Variants in IQGAP2 observed in about 807,000 individuals in gnomAD.
IQGAP2 encodes ras GTPase-activating-like protein IQGAP2.
Under a neutral mutation model 201.3 loss-of-function variants are expected in IQGAP2, and 173 were observed. That is an observed-to-expected ratio of 0.86 (90% CI 0.76 to 0.98). The LOEUF is 0.98. Among genes scored for constraint, IQGAP2 ranks in the 50% least tolerant of loss-of-function variants. The pLI is 0.00. For synonymous variants in IQGAP2, 675 were observed against 673.9 expected (o/e 1.00, Z -0.03); for missense variants, 1,687 against 1,864.8 (o/e 0.90, Z 1.76).
chr5:76,499,646 T>C (rs928984296), intron 2 of IQGAP2, among the ~76,000 whole-genome samples: 2 of 152,168 alleles, frequency 1.3e-5, no homozygotes, highest in South Asian at 4.1e-4. Context: ...GGTAAGATAG[T>C]AGTGTCAAGC....
intron 2 of IQGAP2, among the ~76,000 whole-genome samples, chr5:76,540,925 A>T (rs941404435): frequency 5.9e-5 from 9 of 152,218 alleles, no homozygotes; most frequent in Non-Finnish European, 8.8e-5. Flanking sequence ...TTATTCCTGT[A>T]TTGATTGCAG....
rs183369055 is a variant in IQGAP2, at chr5:76,417,093, G to A, written c.46+13502G>A. Among the ~76,000 whole-genome samples, 572 of 152,220 alleles carry A rather than the reference G, an allele frequency of 3.8e-3. 2 individuals are homozygous for A. The highest frequency in any genetic ancestry group is 0.013 in the African/African-American group (552 of 41,540). On this transcript the variant is annotated intron_variant, in intron 1 of 35. Transcript: ENST00000274364. ...TGAAAAGTGGGTTTATGTTTACCCT[G>A]TCTCAAAAGAGGGTGAGGTATGGGA...
Position 76,707,508 on chromosome 5 carries a change from AT to A in IQGAP2, c.*196del. 1 of 556,650 alleles carries A rather than the reference AT, an allele frequency of 1.8e-6. No individual in the cohort carries two copies. Among genetic ancestry groups the A allele is most frequent in the Non-Finnish European group, 3.2e-6 (1 of 314,996 alleles). 34.5% of individuals were successfully genotyped at this position (556,650 alleles called of 1,614,324 possible). A position where few individuals can be genotyped will look rare whatever the true frequency, so the allele number is the denominator to read the frequency against. Reference sequence around the variant, plus strand: ...ATACTATAATAGAATGAGACATAAAATGAATTAATGGAAACATATCCACACT... The same window carrying A: ...ATACTATAATAGAATGAGACATAAAAGAATTAATGGAAACATATCCACACT... On this transcript the variant is annotated 3_prime_UTR_variant, in exon 36 of 36. Coordinates refer to ENST00000274364, the MANE Select transcript of IQGAP2 (RefSeq NM_006633.5).
chr5:76,632,423 G>A (rs1006123796), intron 15 of IQGAP2, among the ~76,000 whole-genome samples: 1 of 152,134 alleles, frequency 6.6e-6, no homozygotes, highest in Non-Finnish European at 1.5e-5. Context: ...ATGAAATAAA[G>A]TACAATGAGC....
chr5:76,626,861 C>A (rs1403774460), intron 13 of IQGAP2, among the ~76,000 whole-genome samples: 3 of 152,100 alleles, frequency 2.0e-5, no homozygotes, highest in African/African-American at 7.2e-5. Context: ...AGCCAACAGC[C>A]ACACAGTGAG....
chr5:76,606,556 G>T (rs946107185), intron 12 of IQGAP2: 2 of 235,938 alleles, frequency 8.5e-6, no homozygotes, highest in African/African-American at 2.2e-5. Context: ...GATTTTTCTG[G>T]TTATTTGTAC....
intron 20 of IQGAP2, among the ~76,000 whole-genome samples, chr5:76,656,516 AT>A (rs1013855489): frequency 6.6e-6 from 1 of 150,622 alleles, no homozygotes; most frequent in Non-Finnish European, 1.5e-5. Context: ...GCTAAAGAGG[AT>A]TTTTTTTTCT....
chr5:76,471,148 T>C (rs1010452945), intron 2 of IQGAP2, among the ~76,000 whole-genome samples: 2 of 152,158 alleles, frequency 1.3e-5, no homozygotes, highest in Admixed American at 6.5e-5. Context: ...ACCGGAGCTA[T>C]TGTGAAGGTC....
At chr5:76,423,934 G>A (rs1383551602) in intron 1 of IQGAP2, among the ~76,000 whole-genome samples, 6 of 152,222 alleles carry the variant, frequency 3.9e-5, no homozygotes. Context: ...TTTCTACCAC[G>A]TTTACATTGT....
intron 2 of IQGAP2, among the ~76,000 whole-genome samples, chr5:76,535,324 TA>T (rs916741874): frequency 2.2e-4 from 32 of 148,704 alleles, no homozygotes; most frequent in Admixed American, 1.1e-3. Flanking sequence ...TTTGAAAGTA[TA>T]AAAAAAAAAT....
intron 2 of IQGAP2, among the ~76,000 whole-genome samples, chr5:76,533,603 C>T (rs572927371): frequency 6.6e-4 from 101 of 152,150 alleles, no homozygotes; most frequent in Non-Finnish European, 4.4e-4. Flanking sequence ...TGCAGTGGCA[C>T]GATCTTGGCT....
chr5:76,420,788 T>G (rs1271764752), intron 1 of IQGAP2, among the ~76,000 whole-genome samples: 1 of 152,242 alleles, frequency 6.6e-6, no homozygotes, highest in Non-Finnish European at 1.5e-5. Context: ...TTTCTATGAA[T>G]TTGACTGCTC....
Position 76,403,568 on chromosome 5 carries a change from C to A in IQGAP2, c.23C>A (p.Ser8Ter). The A allele has an allele frequency of 1.3e-6, 2 of 1,541,314 alleles. No homozygotes were observed. Among genetic ancestry groups the A allele is most frequent in the Non-Finnish European group, 1.7e-6 (2 of 1,149,544 alleles). MPHEELP[S>*]LQRPRYGSIV... is the part of the protein sequence containing the mutation. ...AGGATGCCACACGAAGAGCTGCCGT[C>A]GCTGCAGAGACCCCGCTATGGCTGT... Residue 8 changes from serine to a stop codon, truncating the protein, a stop_gained, in exon 1 of 36, where the codon TCG (serine) becomes TAG (stop). Transcript: ENST00000274364. LOFTEE classifies it high-confidence loss of function. The surrounding 1 kb of genome is among the most constrained non-coding windows in gnomAD (Gnocchi z 4.8).
rs1345469997 is a variant in IQGAP2 at position 76,677,298 on chromosome 5, T to C, written c.3608T>C (p.Val1203Ala). ...NMDKYTDLVT[V>A]SKPVIYISIE... ...GACAAATACACAGACCTGGTGACAG[T>C]CAGCAAACCAGTCATTTATATTTCA... The change falls in exon 28 of 36, where the codon GTC becomes GCC. Residue 1203 changes from valine (V) to alanine (A), a missense_variant. By Grantham distance (64) the Val-to-Ala change is moderately conservative. Coordinates refer to ENST00000274364, the MANE Select transcript of IQGAP2 (RefSeq NM_006633.5). 6.2e-7 allele frequency: 1 copy of C among 1,613,626 alleles called. No individual in the cohort carries two copies. Among genetic ancestry groups the C allele is most frequent in the African/African-American group, 1.3e-5 (1 of 74,888 alleles).
chr5:76,535,488 G>A (rs1201981487), intron 2 of IQGAP2, among the ~76,000 whole-genome samples: 2 of 152,128 alleles, frequency 1.3e-5, no homozygotes, highest in African/African-American at 4.8e-5. Context: ...AAATGAAACC[G>A]TGGGACCTCT....
chr5:76,552,749 A>C (rs1294451463), intron 2 of IQGAP2, among the ~76,000 whole-genome samples: 2 of 152,186 alleles, frequency 1.3e-5, no homozygotes, highest in Admixed American at 1.3e-4. Context: ...TTAGCATCTG[A>C]GACAACGTTC....
At chr5:76,602,982 G>A (rs918349545) in intron 11 of IQGAP2, among the ~76,000 whole-genome samples, 2 of 152,140 alleles carry the variant, frequency 1.3e-5, no homozygotes, top group South Asian at 4.1e-4. Flanking sequence ...TTAGCCTTGG[G>A]CATACACTGT....
chr5:76,681,222 C>T (rs1484487322), intron 28 of IQGAP2, among the ~76,000 whole-genome samples: 1 of 147,896 alleles, frequency 6.8e-6, no homozygotes, highest in Non-Finnish European at 1.5e-5. Flanking sequence ...ATGATAGAAA[C>T]ATAATCCAAT....
chr5:76,688,194 A>C (rs1366803371), intron 30 of IQGAP2, among the ~76,000 whole-genome samples: 2 of 152,240 alleles, frequency 1.3e-5, no homozygotes, highest in Non-Finnish European at 2.9e-5. Flanking sequence ...TATGAAGTGG[A>C]CAGACATGAA....
Sources: gnomAD v4.1 joint callset for allele counts (sites outside exome capture counted in the v4.1 genomes callset) on GRCh38, gnomAD v4.1.1 for gene constraint, Gnocchi (gnomAD v3.1) non-coding constraint, MANE v1.5 for transcripts, NCBI Gene and HGNC (gene_info 2026-07-23, HGNC 2026-07-21) for gene names.